The following CNTN6 variants were observed in gnomAD, a reference collection of about 807,000 sequenced individuals.
CNTN6 encodes contactin 6, also known as contactin-6.
CNTN6 carries 137 observed loss-of-function variants against 122.8 expected under a neutral mutation model. The observed-to-expected ratio is 1.12, with a 90% confidence interval of 0.97 to 1.29. The LOEUF is 1.29. Among genes scored for constraint, CNTN6 ranks in the 50% most tolerant of loss-of-function variants. The pLI is 0.00. For missense variants in CNTN6, 1,634 were observed against 1,223.4 expected (o/e 1.34, Z -5.01); for synonymous variants, 570 against 426.0 (o/e 1.34, Z -4.16).
At chr3:1,339,059 G>A (rs1296693645) in intron 11 of CNTN6, among the ~76,000 whole-genome samples, 1 of 151,572 alleles carries the variant, frequency 6.6e-6, no homozygotes, top group Non-Finnish European at 1.5e-5. Context: ...AGCTGTCAGA[G>A]CACTCTTTTT....
chr3:1,150,188 G>C (rs1377916143), intron 2 of CNTN6, among the ~76,000 whole-genome samples: 1 of 152,128 alleles, frequency 6.6e-6, no homozygotes, highest in Non-Finnish European at 1.5e-5. Context: ...GTTTCATGGT[G>C]TGTCTCCCTA....
chr3:1,347,200 C>T (rs142152582), intron 11 of CNTN6, among the ~76,000 whole-genome samples: 161 of 152,088 alleles, frequency 1.1e-3, no homozygotes, highest in Admixed American at 4.6e-3. Flanking sequence ...ACAATACAAA[C>T]GCTATTAATT....
chr3:1,397,679 G>A lies in CNTN6; in HGVS notation c.2705-3754G>A, dbSNP rs573366572. Among the ~76,000 whole-genome samples, 6 of 152,212 alleles carry A rather than the reference G, an allele frequency of 3.9e-5. No individual in the cohort carries two copies. In the East Asian group the frequency reaches 9.7e-4, roughly 24 times the overall value. On this transcript the variant is annotated intron_variant, in intron 20 of 22. Coordinates refer to ENST00000446702, the MANE Select transcript of CNTN6 (RefSeq NM_001289080.2). The stretch of plus-strand genomic sequence containing the variant: ...CTTATGTGGAAAGAAGTATTCAGAC[G>A]CAATAACTAAAAGTGTTTGCAAATG...
At chr3:1,170,371 G>A (rs1336099717) in intron 2 of CNTN6, among the ~76,000 whole-genome samples, 1 of 150,498 alleles carries the variant, frequency 6.6e-6, no homozygotes, top group Non-Finnish European at 1.5e-5. Context: ...CCAATATACA[G>A]ACCAAAATAT....
intron 1 of CNTN6, among the ~76,000 whole-genome samples, chr3:1,145,193 C>T (rs1034684454): frequency 6.6e-6 from 1 of 152,146 alleles, no homozygotes; most frequent in Non-Finnish European, 1.5e-5. Flanking sequence ...ACCAGATCAA[C>T]GGGTTTATTA....
chr3:1,333,746 T>C (rs969157870), intron 11 of CNTN6, among the ~76,000 whole-genome samples: 38 of 152,150 alleles, frequency 2.5e-4, no homozygotes, highest in African/African-American at 8.9e-4. Flanking sequence ...TATAAAAAAA[T>C]GGTGGCAGTA....
At chr3:1,122,955 G>C (rs77730259) in intron 1 of CNTN6, among the ~76,000 whole-genome samples, 3,563 of 151,826 alleles carry the variant, frequency 0.023, 74 homozygotes, top group Non-Finnish European at 0.036. Context: ...GTATATACCT[G>C]GGACTGAAAT....
chr3:1,157,216 ATTTAATTT>A (rs1318515401), intron 2 of CNTN6, among the ~76,000 whole-genome samples: 18 of 141,332 alleles, frequency 1.3e-4, no homozygotes, highest in South Asian at 1.1e-3. Flanking sequence ...TTATTTATTT[ATTTAATTT>A]ATTTATTTAT....
rs3836239 is a variant in CNTN6, at chr3:1,274,163, A to AT, written c.359-4242dup. ...CAGAAACAATGATTTCAATATATTA[A>AT]TTTTTTTTGTTTTAAAATAAAGCTT... On this transcript the variant is annotated intron_variant, in intron 4 of 22. Coordinates refer to ENST00000446702, the MANE Select transcript of CNTN6 (RefSeq NM_001289080.2). Among the ~76,000 whole-genome samples the AT allele has an allele frequency of 1.3e-4, 19 of 151,804 alleles. 1 individual carries two copies. The highest frequency in any genetic ancestry group is 3.3e-4 in the Admixed American group (5 of 15,236).
intron 12 of CNTN6, among the ~76,000 whole-genome samples, chr3:1,370,910 TTAAA>T (rs560711024): frequency 1.3e-5 from 2 of 152,140 alleles, no homozygotes; most frequent in East Asian, 3.9e-4. Context: ...GGAAAGTATT[TTAAA>T]TAATAAAAAA....
chr3:1,261,465 T>G (rs1430431869), intron 4 of CNTN6, among the ~76,000 whole-genome samples: 1 of 152,108 alleles, frequency 6.6e-6, no homozygotes, highest in African/African-American at 2.4e-5. Context: ...ACTGGGACAT[T>G]TACTCATTAC....
At chr3:1,387,901 G>A (rs933497454) in intron 20 of CNTN6, among the ~76,000 whole-genome samples, 13 of 152,240 alleles carry the variant, frequency 8.5e-5, no homozygotes, top group South Asian at 6.2e-4. Context: ...CACCCGGCTC[G>A]GAGGGTCCTA....
chr3:1,148,196 T>C (rs946157711), intron 2 of CNTN6, 133 bp downstream of exon 2: 33 of 665,136 alleles, frequency 5.0e-5, no homozygotes, highest in Non-Finnish European at 6.7e-5. Flanking sequence ...GTTTTGAAGG[T>C]AACTTCTATG....
At chr3:1,130,919 C>G (rs189258879) in intron 1 of CNTN6, among the ~76,000 whole-genome samples, 57 of 152,178 alleles carry the variant, frequency 3.7e-4, no homozygotes, top group Middle Eastern at 3.4e-3. Context: ...TAAGATGGAA[C>G]TTACTTACTG....
intron 1 of CNTN6, among the ~76,000 whole-genome samples, chr3:1,143,771 G>A (rs1156342295): frequency 6.6e-6 from 1 of 152,158 alleles, no homozygotes; most frequent in African/African-American, 2.4e-5. Context: ...TCGGGCTTTG[G>A]CCTCATTATA....
rs191566561 is a variant in CNTN6, at chr3:1,204,696, A to G, written c.56-15991A>G. 3.3e-5 allele frequency among the ~76,000 whole-genome samples: 5 copies of G among 152,278 alleles called. No homozygotes were observed. The East Asian group carries it at 9.7e-4, about 29-fold the overall frequency. On this transcript the variant is annotated intron_variant, in intron 2 of 22. Coordinates refer to ENST00000446702, the MANE Select transcript of CNTN6 (RefSeq NM_001289080.2). ...TTGATTTGAGAGTGAAATTTCTCCC[A>G]AAGAAGAAACAAGGACTTTCTGATG...
In CNTN6 at chr3:1,402,488, T is replaced by C; in HGVS notation, c.2986+2T>C. ...AAATTAGGATTCCAAAAATGTCAAG[T>C]AAGTTGAGTCACCATTGCTGTAGTA... On this transcript the variant is annotated splice_donor_variant, in intron 22 of 22. Transcript: ENST00000446702. LOFTEE classifies it high-confidence loss of function. 1.2e-6 allele frequency: 2 copies of C among 1,605,130 alleles called. No homozygotes were observed. Among genetic ancestry groups the C allele is most frequent in the Non-Finnish European group, 1.7e-6 (2 of 1,173,734 alleles).
At chr3:1,242,898 C>T (rs1023834287) in intron 4 of CNTN6, among the ~76,000 whole-genome samples, 1 of 152,038 alleles carries the variant, frequency 6.6e-6, no homozygotes, top group African/African-American at 2.4e-5. Flanking sequence ...TCAATACCCA[C>T]AACAGTTATG....
At chr3:1,097,624 T>C (rs1472707078) in intron 1 of CNTN6, among the ~76,000 whole-genome samples, 1 of 152,200 alleles carries the variant, frequency 6.6e-6, no homozygotes, top group South Asian at 2.1e-4. Flanking sequence ...CTCTGTGGTC[T>C]TAGGCAAGTT....
Sources: allele counts gnomAD v4.1 joint callset (sites outside exome capture counted in the v4.1 genomes callset), GRCh38; gene constraint gnomAD v4.1.1; transcripts MANE v1.5; gene names NCBI Gene and HGNC (gene_info 2026-07-23, HGNC 2026-07-21).